RBL2: variants seen among roughly 807,000 people sequenced by gnomAD.
The protein encoded by RBL2 is retinoblastoma-like protein 2.
A neutral mutation model predicts 126.0 loss-of-function variants in RBL2; 56 were observed. The ratio of observed to expected loss-of-function variants is 0.44; its 90% CI spans 0.36 to 0.56. The LOEUF (loss-of-function observed/expected upper bound fraction) is 0.56. RBL2 is among the 20% of genes least tolerant of loss of function. RBL2 has a pLI of 0.00. For synonymous variants in RBL2, 454 were observed against 478.5 expected (o/e 0.95, Z 0.67); for missense variants, 1,229 against 1,398.2 (o/e 0.88, Z 1.93).
intron 21 of RBL2, 143 bp downstream of exon 21, chr16:53,481,978 C>A: frequency 2.0e-6 from 2 of 1,018,752 alleles, no homozygotes; most frequent in Non-Finnish European, 2.9e-6. Context: ...TGAAGCAAAA[C>A]CCAGGGTTTG....
intron 8 of RBL2, among the ~76,000 whole-genome samples, chr16:53,458,862 A>G (rs1030476738): frequency 2.0e-4 from 30 of 152,224 alleles, no homozygotes; most frequent in Admixed American, 1.5e-3. Context: ...CCATAATTCA[A>G]TTACCTCCCA....
At chr16:53,483,856 G>A (rs1269308110) in intron 21 of RBL2, among the ~76,000 whole-genome samples, 1 of 151,370 alleles carries the variant, frequency 6.6e-6, no homozygotes, top group Admixed American at 6.6e-5. Context: ...CAGCCTGGGG[G>A]ACAAGAGCAA....
chr16:53,437,120 G>A (rs1380016835), intron 1 of RBL2, among the ~76,000 whole-genome samples: 5 of 150,640 alleles, frequency 3.3e-5, no homozygotes, highest in Non-Finnish European at 7.4e-5. Flanking sequence ...GAACATTATA[G>A]ATTATCTTTT....
intron 21 of RBL2, among the ~76,000 whole-genome samples, chr16:53,486,798 C>CA (rs747508149): frequency 3.9e-5 from 6 of 152,156 alleles, no homozygotes; most frequent in Non-Finnish European, 7.4e-5. Flanking sequence ...AAAAGCCATA[C>CA]AGCCTGGATT....
intron 5 of RBL2, among the ~76,000 whole-genome samples, 162 bp downstream of exon 5, chr16:53,451,993 T>TCCATAAG (rs2058120205): frequency 6.6e-6 from 1 of 152,036 alleles, no homozygotes; most frequent in Non-Finnish European, 1.5e-5. Context: ...TAAAAATATT[T>TCCATAAG]TTGGATAAAC....
intron 3 of RBL2, 55 bp downstream of exon 3, chr16:53,442,913 G>A (rs1047126845): frequency 1.6e-6 from 2 of 1,237,086 alleles, no homozygotes; most frequent in Non-Finnish European, 2.2e-6. Flanking sequence ...CTGCAGTGTT[G>A]ATATTCTGCT....
At chr16:53,481,924 A>G (rs936223692) in intron 21 of RBL2, 89 bp downstream of exon 21, 101 of 1,372,786 alleles carry the variant, frequency 7.4e-5, no homozygotes, top group Non-Finnish European at 9.6e-5. Context: ...GGCACTCATT[A>G]GAGTGATGAG....
intron 21 of RBL2, among the ~76,000 whole-genome samples, chr16:53,484,404 ATC>A (rs1961078029): frequency 6.6e-6 from 1 of 152,236 alleles, no homozygotes; most frequent in Non-Finnish European, 1.5e-5. Context: ...GTTAGAATTT[ATC>A]TGACTGGACA....
chr16:53,484,627 G>A (rs144766201), intron 21 of RBL2, among the ~76,000 whole-genome samples: 2 of 152,308 alleles, frequency 1.3e-5, no homozygotes, highest in East Asian at 3.9e-4. Flanking sequence ...GAGTTGTCCA[G>A]AATGGGCAAA....
At chr16:53,463,039 C>T (rs2058237809) in intron 11 of RBL2, among the ~76,000 whole-genome samples, 1 of 152,140 alleles carries the variant, frequency 6.6e-6, no homozygotes, top group Admixed American at 6.5e-5. Flanking sequence ...TGGGGTTTTG[C>T]CATGTTGGCC....
rs780453692 is a variant in RBL2, at chr16:53,434,649, G to C, written c.93G>C (p.Ala31=). 3 of 1,563,898 alleles carry C rather than the reference G, an allele frequency of 1.9e-6. No homozygotes were observed. In the South Asian group the frequency reaches 3.5e-5, roughly 18 times the overall value. Reference sequence around the variant, plus strand: ...AGGAGGAGGAGGACGACGGCGAGGCGGAAGACGCCGCGCCGCCTGCCGAGT... The same window carrying C: ...AGGAGGAGGAGGACGACGGCGAGGCCGAAGACGCCGCGCCGCCTGCCGAGT... ...SDEEEEDDGE[A]EDAAPPAESP... Residue 31 remains alanine, a synonymous_variant, in exon 1 of 22, where the codon GCG becomes GCC. Coordinates refer to ENST00000262133, the MANE Select transcript of RBL2 (RefSeq NM_005611.4).
intron 21 of RBL2, among the ~76,000 whole-genome samples, chr16:53,485,195 A>T (rs1961117690): frequency 6.6e-6 from 1 of 152,186 alleles, no homozygotes; most frequent in Non-Finnish European, 1.5e-5. Flanking sequence ...AAGTCTCGAT[A>T]AATGTTAAAA....
Position 53,434,574 on chromosome 16 carries a change from C to A in RBL2, c.18C>A (p.Asp6Glu), listed in dbSNP as rs760409460. 3 of 1,531,060 alleles carry A rather than the reference C, an allele frequency of 2.0e-6. No individual in the cohort carries two copies. The highest frequency in any genetic ancestry group is 1.2e-5 in the South Asian group (1 of 82,196). The allele number at this position is 1,531,060 out of a possible 1,614,324, so 94.8% of individuals were successfully genotyped here. The change falls in exon 1 of 22, where the codon GAC becomes GAA. Residue 6 changes from aspartate to glutamate, a missense_variant. Transcript: ENST00000262133. Reference sequence around the variant, plus strand: ...GGTGCGCTATGCCGTCGGGAGGTGACCAGTCGCCACCGCCCCCGCCTCCCC... The same window carrying A: ...GGTGCGCTATGCCGTCGGGAGGTGAACAGTCGCCACCGCCCCCGCCTCCCC... MPSGG[D>E]QSPPPPPPPP...
At position 53,490,173 on chromosome 16, in the gene RBL2, C is replaced by T. The variant is rs77016789; in HGVS notation, c.3293C>T (p.Pro1098Leu). Residue 1098 changes from proline (P) to leucine (L), a missense_variant, in exon 22 of 22, where the codon CCT (proline) becomes CTT (leucine). Transcript: ENST00000262133. Reference protein sequence around the residue: ...INSMIRTGETPTKKRGILLED... With the variant: ...INSMIRTGETLTKKRGILLED... ...AGTATGATACGCACAGGAGAAACTC[C>T]TACTAAAAAGAGAGGAATTCTTTTG... 6.2e-7 allele frequency: 1 copy of T among 1,611,844 alleles called. No individual in the cohort carries two copies. The highest frequency in any genetic ancestry group is 8.5e-7 in the Non-Finnish European group (1 of 1,178,738).
Position 53,490,643 on chromosome 16 carries a change from CAGA to C in RBL2, c.*348_*350del, listed in dbSNP as rs1469994714. The stretch of plus-strand genomic sequence containing the variant: ...GGAGGCTTCTGTTGACGTACTCCAA[CAGA>C]AGAACTGTGTTTCAAGTTCAATCCT... On this transcript the variant is annotated 3_prime_UTR_variant, in exon 22 of 22. Transcript: ENST00000262133. 2.2e-5 allele frequency: 4 copies of C among 184,588 alleles called. No homozygotes were observed. The highest frequency in any genetic ancestry group is 1.1e-5 in the Non-Finnish European group (1 of 89,982). 11.4% of individuals were successfully genotyped at this position (184,588 alleles called of 1,614,324 possible).
chr16:53,438,670 C>G (rs1033067296), intron 1 of RBL2, among the ~76,000 whole-genome samples: 6 of 151,516 alleles, frequency 4.0e-5, no homozygotes, highest in African/African-American at 1.5e-4. Context: ...ATGACAAAAC[C>G]CTGTCTCTAC....
chr16:53,435,818 A>G, intron 1 of RBL2: 2 of 1,172,652 alleles, frequency 1.7e-6, no homozygotes. Context: ...ATTTGCATTA[A>G]TAGAATTTTA....
At position 53,480,678 on chromosome 16, in the gene RBL2, A is replaced by G; in HGVS notation, c.2993A>G (p.Glu998Gly). The change falls in exon 20 of 22, where the codon GAA becomes GGA. Residue 998 changes from glutamate to glycine, a missense_variant. Transcript: ENST00000262133. ...TRLTGANSDMEEEERGDLIQF... is the reference protein window; with the variant it reads ...TRLTGANSDMGEEERGDLIQF... ...CTCACAGGTGCCAACAGTGACATGG[A>G]AGAAGAGGAGAGGGGAGACCTCATT... The G allele has an allele frequency of 6.2e-7, 1 of 1,613,970 alleles. No individual in the cohort carries two copies. Among genetic ancestry groups the G allele is most frequent in the Non-Finnish European group, 8.5e-7 (1 of 1,180,004 alleles).
chr16:53,464,416 CTGT>C lies in RBL2; in HGVS notation c.1698+58_1698+60del. The C allele has an allele frequency of 1.4e-5, 19 of 1,400,496 alleles. 2 individuals are homozygous for C. In the South Asian group the frequency reaches 2.6e-4, roughly 19 times the overall value. 86.8% of individuals were successfully genotyped at this position (1,400,496 alleles called of 1,614,324 possible). A position where few individuals can be genotyped will look rare whatever the true frequency, so the allele number is the denominator to read the frequency against. ...GGATATTGTAGATGAGACCAACTTC[CTGT>C]TGTTAGTCATTTAGTTCAAGTTAAC... On this transcript the variant is annotated intron_variant, in intron 12 of 21. Transcript: ENST00000262133.
Sources: allele counts gnomAD v4.1 joint callset (sites outside exome capture counted in the v4.1 genomes callset), GRCh38; gene constraint gnomAD v4.1.1; transcripts MANE v1.5; gene names NCBI Gene and HGNC (gene_info 2026-07-23, HGNC 2026-07-21).